The following SHOC1 variants were observed in gnomAD, a reference collection of about 807,000 sequenced individuals.
The protein encoded by SHOC1 is shortage in chiasmata 1, also known as protein shortage in chiasmata 1 ortholog.
SHOC1 carries 136 observed loss-of-function variants against 179.2 expected under a neutral mutation model. The observed-to-expected ratio is 0.76, with a 90% CI of 0.66 to 0.87. SHOC1 has a LOEUF of 0.87. SHOC1 is among the 40% of genes least tolerant of loss of function. The pLI, the probability that SHOC1 is intolerant of heterozygous loss-of-function variation, is 0.00. For synonymous variants in SHOC1, 489 were observed against 586.6 expected, an observed-to-expected ratio of 0.83 and a Z score of 2.41; for missense variants, 1,538 against 1,700.8, an observed-to-expected ratio of 0.90 and a Z score of 1.68.
intron 3 of SHOC1, among the ~76,000 whole-genome samples, chr9:111,783,202 T>G (rs979892258): frequency 6.6e-6 from 1 of 152,226 alleles, no homozygotes; most frequent in African/African-American, 2.4e-5. Flanking sequence ...ATTTAAAAAT[T>G]TTTCTTCATA....
At chr9:111,708,995 A>G (rs1832405441) in intron 18 of SHOC1, among the ~76,000 whole-genome samples, 1 of 152,216 alleles carries the variant, frequency 6.6e-6, no homozygotes, top group Admixed American at 6.5e-5. Flanking sequence ...TGGTAGTGAT[A>G]AGAAGTGAGT....
intron 26 of SHOC1, among the ~76,000 whole-genome samples, chr9:111,693,474 A>G (rs1226104380): frequency 6.7e-6 from 1 of 150,170 alleles, no homozygotes; most frequent in Non-Finnish European, 1.5e-5. Context: ...ATGGTGATGT[A>G]TACTTATAAT....
rs528217402 is a variant in SHOC1 at position 111,720,351 on chromosome 9, A to G, written c.2131+2058T>C. Among the ~76,000 whole-genome samples the G allele has an allele frequency of 2.6e-5, 4 of 152,274 alleles. No homozygotes were observed. The South Asian group carries it at 8.3e-4, about 32-fold the overall frequency. On this transcript the variant is annotated intron_variant, in intron 15 of 27. Coordinates refer to ENST00000682961, the MANE Select transcript of SHOC1 (RefSeq NM_001378211.1). Reference sequence around the variant, plus strand: ...TGTCACCCTTATCTTTGTTTCCTGCATGTGGCATGTCTTTTTGTTCCTCTG... The same window carrying G: ...TGTCACCCTTATCTTTGTTTCCTGCGTGTGGCATGTCTTTTTGTTCCTCTG...
At chr9:111,765,658 C>T (rs757884891) in intron 5 of SHOC1, among the ~76,000 whole-genome samples, 19 of 152,078 alleles carry the variant, frequency 1.2e-4, no homozygotes, top group Non-Finnish European at 2.4e-4. Context: ...AAGTTCTTTC[C>T]ATCTTTCTTT....
chr9:111,777,799 T>C (rs551658476), intron 4 of SHOC1, among the ~76,000 whole-genome samples: 1 of 152,248 alleles, frequency 6.6e-6, no homozygotes, highest in East Asian at 1.9e-4. Flanking sequence ...ACAAAATCAA[T>C]ATAACTCTCC....
intron 9 of SHOC1, 136 bp downstream of exon 9, chr9:111,747,956 A>G: frequency 1.9e-6 from 1 of 538,664 alleles, no homozygotes; most frequent in South Asian, 3.5e-5. Flanking sequence ...CAAATAAGAA[A>G]AAATGACAGG....
At chr9:111,721,823 C>T (rs1833066345) in intron 15 of SHOC1, among the ~76,000 whole-genome samples, 1 of 152,118 alleles carries the variant, frequency 6.6e-6, no homozygotes, top group Non-Finnish European at 1.5e-5. Flanking sequence ...CAGGCTCTGC[C>T]TCAGGTAACT....
At chr9:111,752,414 T>C (rs1834635588) in intron 8 of SHOC1, among the ~76,000 whole-genome samples, 1 of 152,214 alleles carries the variant, frequency 6.6e-6, no homozygotes, top group East Asian at 1.9e-4. Context: ...ACAAAGTTTA[T>C]AGTTTGAGTT....
At position 111,691,748 on chromosome 9, in the gene SHOC1, C is replaced by T. The variant is rs1831437106; in HGVS notation, c.4229G>A (p.Cys1410Tyr). ...GAAAGTCTCATCTTTTGAACTTTCA[C>T]ATGTGAGGCCTTCAGACTCATCTGA... ...CLSDESEGLT[C>Y]ESSKDETFWR... Residue 1410 changes from cysteine to tyrosine, a missense_variant, in exon 27 of 28, where the codon TGT (cysteine) becomes TAT (tyrosine). By Grantham distance (194) the Cys-to-Tyr change is radical (BLOSUM62 -2). Transcript: ENST00000682961. The T allele has an allele frequency of 6.2e-7, 1 of 1,613,984 alleles. No homozygotes were observed. The highest frequency in any genetic ancestry group is 1.7e-4 in the Middle Eastern group (1 of 6,060).
In SHOC1 at chr9:111,718,258, T is replaced by C. The variant is rs1162137064; in HGVS notation, c.2162A>G (p.Lys721Arg). 5.6e-6 allele frequency: 9 copies of C among 1,594,578 alleles called. No homozygotes were observed. Among genetic ancestry groups the C allele is most frequent in the African/African-American group, 1.4e-5 (1 of 73,930 alleles). Residue 721 changes from lysine (K) to arginine (R), a missense_variant, in exon 16 of 28, where the codon AAG becomes AGG. Coordinates refer to ENST00000682961, the MANE Select transcript of SHOC1 (RefSeq NM_001378211.1). ...CAGAAGATGTAAGAGAGCGGCATGCTTGAAAGTCATTTCTCTTTCATCAAT... is the reference window on the plus strand; with the variant it reads ...CAGAAGATGTAAGAGAGCGGCATGCCTGAAAGTCATTTCTCTTTCATCAAT... ...GTIDEREMTF[K>R]HAALLHLLVT...
rs1374618395 is a variant in SHOC1 at position 111,748,749 on chromosome 9, T to TTTCC, written c.863-554_863-551dup. Among the ~76,000 whole-genome samples, 3 of 45,494 alleles carry TTTCC rather than the reference T, an allele frequency of 6.6e-5. No individual in the cohort carries two copies. In the East Asian group the frequency reaches 4.5e-3, roughly 69 times the overall value. 29.8% of individuals were successfully genotyped at this position (45,494 alleles called of 152,430 possible). On this transcript the variant is annotated intron_variant, in intron 8 of 27. Coordinates refer to ENST00000682961, the MANE Select transcript of SHOC1 (RefSeq NM_001378211.1). Reference sequence around the variant, plus strand: ...TTTTATCTTTTGCCTGCCTTCCTTTTTTCCTTCCTTCCTTTCCTTCCTTCC... The same window carrying TTTCC: ...TTTTATCTTTTGCCTGCCTTCCTTTTTTCCTTCCTTCCTTCCTTTCCTTCCTTCC...
rs750860129 is a variant in SHOC1 at position 111,714,513 on chromosome 9, T to A, written c.2347A>T (p.Thr783Ser). Reference protein sequence around the residue: ...VQFIRGKKPETNYKIQELQCQ... With the variant: ...VQFIRGKKPESNYKIQELQCQ... Reference sequence around the variant, plus strand: ...TGCAATTCTTGTATCTTGTAGTTGGTTTCAGGCTTTTTCCCCCTAATAAAC... The same window carrying A: ...TGCAATTCTTGTATCTTGTAGTTGGATTCAGGCTTTTTCCCCCTAATAAAC... Residue 783 changes from threonine (T) to serine (S), a missense_variant, in exon 17 of 28, where the codon ACC (threonine) becomes TCC (serine). Physicochemically the swap from Thr to Ser is moderately conservative, Grantham distance 58. Coordinates refer to ENST00000682961, the MANE Select transcript of SHOC1 (RefSeq NM_001378211.1). 6.2e-7 allele frequency: 1 copy of A among 1,613,922 alleles called. No individual in the cohort carries two copies. The highest frequency in any genetic ancestry group is 1.3e-5 in the African/African-American group (1 of 74,936).
intron 12 of SHOC1, among the ~76,000 whole-genome samples, chr9:111,730,387 T>C (rs909405605): frequency 6.6e-6 from 1 of 152,220 alleles, no homozygotes; most frequent in East Asian, 1.9e-4. Context: ...TCTGGCCTTA[T>C]GAAATGTATT....
chr9:111,694,176 A>G, intron 25 of SHOC1, 55 bp downstream of exon 25: 1 of 1,491,636 alleles, frequency 6.7e-7, no homozygotes, highest in Non-Finnish European at 9.1e-7. Context: ...AAATTCAAAT[A>G]CAGGTTTTTA....
At chr9:111,705,137 T>A in intron 21 of SHOC1, 110 bp downstream of exon 21, 1 of 453,362 alleles carries the variant, frequency 2.2e-6, no homozygotes, top group Non-Finnish European at 3.9e-6. Context: ...GAGACACATA[T>A]ACAGCATAAT....
chr9:111,694,444 GATAAAATTAA>G, intron 24 of SHOC1, 82 bp from the exon 25 acceptor site: 6 of 1,024,230 alleles, frequency 5.9e-6, no homozygotes, highest in Non-Finnish European at 8.4e-6. Flanking sequence ...GTAATTAGAA[GATAAAATTAA>G]ACAACAGCAG....
At chr9:111,708,408 G>A (rs1364512726) in intron 18 of SHOC1, among the ~76,000 whole-genome samples, 2 of 151,840 alleles carry the variant, frequency 1.3e-5, no homozygotes, top group Non-Finnish European at 2.9e-5. Context: ...TCACCATGTT[G>A]GTCAGGCTGG....
Position 111,707,966 on chromosome 9 carries a change from A to C in SHOC1, c.2489-42T>G, listed in dbSNP as rs374922786. The C allele has an allele frequency of 3.7e-5, 45 of 1,218,288 alleles. No homozygotes were observed. In the African/African-American group the frequency reaches 7.0e-4, roughly 19 times the overall value. 75.5% of individuals were successfully genotyped at this position (1,218,288 alleles called of 1,614,324 possible). A position where few individuals can be genotyped will look rare whatever the true frequency, so the allele number is the denominator to read the frequency against. On this transcript the variant is annotated intron_variant, in intron 18 of 27. Transcript: ENST00000682961. Reference sequence around the variant, plus strand: ...TAATTTTTTTCAGTGTCTTGTTCAGATACATATTTTTGGTATGTCATATAT... The same window carrying C: ...TAATTTTTTTCAGTGTCTTGTTCAGCTACATATTTTTGGTATGTCATATAT...
At chr9:111,707,062 A>AT (rs1443929774) in intron 19 of SHOC1, among the ~76,000 whole-genome samples, 2 of 152,018 alleles carry the variant, frequency 1.3e-5, no homozygotes, top group Non-Finnish European at 2.9e-5. Flanking sequence ...AATCAGTCTC[A>AT]TTTTCTTACA....
Sources: allele counts gnomAD v4.1 joint callset (sites outside exome capture counted in the v4.1 genomes callset), GRCh38; gene constraint gnomAD v4.1.1; transcripts MANE v1.5; gene names NCBI Gene and HGNC (gene_info 2026-07-23, HGNC 2026-07-21).